The following KHDRBS2 variants were observed in gnomAD, a reference collection of about 807,000 sequenced individuals.
The protein encoded by KHDRBS2 is KH domain-containing, RNA-binding, signal transduction-associated protein 2.
KHDRBS2 carries 26 observed loss-of-function variants against 44.3 expected under a neutral mutation model. That is an observed-to-expected ratio of 0.59 (90% CI 0.43 to 0.81). KHDRBS2 has a LOEUF of 0.81. KHDRBS2 is among the 40% of genes least tolerant of loss of function. The probability of loss-of-function intolerance (pLI) is 0.00; values close to 1 mark genes in which losing one functional copy is unlikely to be tolerated. For missense variants in KHDRBS2, 476 were observed against 433.1 expected, an observed-to-expected ratio of 1.10 and a Z score of -0.88; for synonymous variants, 194 against 151.1, an observed-to-expected ratio of 1.28 and a Z score of -2.08.
chr6:62,092,334 CATA>C (rs1295069545), intron 2 of KHDRBS2, among the ~76,000 whole-genome samples: 4 of 152,134 alleles, frequency 2.6e-5, no homozygotes, highest in African/African-American at 7.2e-5. Context: ...CCTGAAAATA[CATA>C]ATATCTTTAT....
chr6:62,116,913 TGA>T (rs1806376122), intron 2 of KHDRBS2, among the ~76,000 whole-genome samples: 1 of 152,140 alleles, frequency 6.6e-6, no homozygotes, highest in Non-Finnish European at 1.5e-5. Context: ...TGACCTCCAG[TGA>T]TGGGATTTCA....
chr6:61,968,486 T>C lies in KHDRBS2; in HGVS notation c.483+9580A>G, dbSNP rs576943276. Among the ~76,000 whole-genome samples the C allele has an allele frequency of 4.6e-5, 7 of 152,176 alleles. 1 individual carries two copies. The South Asian group carries it at 1.2e-3, about 27-fold the overall frequency. ...GAGGTCCCCAAATAGAACAGCCTTA[T>C]GAATATATTATTGAATTAATGAGTA... On this transcript the variant is annotated intron_variant, in intron 4 of 8. Transcript: ENST00000281156.
chr6:62,192,054 A>C (rs1824737594), intron 1 of KHDRBS2, among the ~76,000 whole-genome samples: 2 of 152,038 alleles, frequency 1.3e-5, no homozygotes, highest in Admixed American at 1.3e-4. Flanking sequence ...GCTGTCTGAA[A>C]GTTTTGGATT....
At chr6:61,733,200 T>G (rs1394540183) in intron 6 of KHDRBS2, among the ~76,000 whole-genome samples, 2 of 152,044 alleles carry the variant, frequency 1.3e-5, no homozygotes, top group African/African-American at 4.8e-5. Flanking sequence ...ATCCTTAAAC[T>G]GTAGTCAACT....
intron 2 of KHDRBS2, among the ~76,000 whole-genome samples, chr6:62,106,253 C>A (rs1584736789): frequency 6.6e-6 from 1 of 152,190 alleles, no homozygotes; most frequent in East Asian, 1.9e-4. Context: ...AATGTATATT[C>A]TGTTGATTTG....
At chr6:61,720,606 C>A (rs574675581) in intron 7 of KHDRBS2, among the ~76,000 whole-genome samples, 22 of 152,274 alleles carry the variant, frequency 1.4e-4, no homozygotes, top group African/African-American at 5.3e-4. Flanking sequence ...ATGTCCTTTG[C>A]CCACTTTTTG....
At chr6:61,778,868 T>A (rs578032937) in intron 6 of KHDRBS2, among the ~76,000 whole-genome samples, 3 of 152,346 alleles carry the variant, frequency 2.0e-5, no homozygotes, top group African/African-American at 7.2e-5. Context: ...CGCTTAGCAA[T>A]TTGATTCTTC....
the KHDRBS2 span, among the ~76,000 whole-genome samples, chr6:61,553,791 C>T: frequency 2.3e-4 from 35 of 152,238 alleles, no homozygotes; most frequent in African/African-American, 8.2e-4. Context: ...TGTTTAATTT[C>T]TGTGTAATTA....
intron 2 of KHDRBS2, among the ~76,000 whole-genome samples, chr6:62,065,244 A>T (rs902903526): frequency 4.6e-5 from 7 of 152,170 alleles, no homozygotes; most frequent in African/African-American, 1.7e-4. Flanking sequence ...AGGGATCTAG[A>T]ACTACAAATA....
intron 2 of KHDRBS2, among the ~76,000 whole-genome samples, chr6:62,164,936 C>T (rs561901693): frequency 2.0e-5 from 3 of 151,802 alleles, no homozygotes; most frequent in South Asian, 4.1e-4. Context: ...TTTGAAATTT[C>T]CCTTACACTA....
chr6:61,954,466 C>A (rs1442605800), intron 4 of KHDRBS2, among the ~76,000 whole-genome samples: 1 of 140,146 alleles, frequency 7.1e-6, no homozygotes, highest in Non-Finnish European at 1.5e-5. Context: ...TGTATGTATA[C>A]GTATGTGTAT....
intron 3 of KHDRBS2, among the ~76,000 whole-genome samples, chr6:61,978,594 G>C (rs1373643624): frequency 6.6e-6 from 1 of 152,074 alleles, no homozygotes; most frequent in Non-Finnish European, 1.5e-5. Context: ...GTAAGTGAAA[G>C]ATTATCACTG....
intron 2 of KHDRBS2, among the ~76,000 whole-genome samples, chr6:62,079,646 G>A (rs962981206): frequency 2.0e-5 from 3 of 151,908 alleles, no homozygotes; most frequent in Non-Finnish European, 4.4e-5. Flanking sequence ...TATTTGTTTC[G>A]AATTACTTAA....
At chr6:62,273,971 T>C (rs1840503327) in intron 1 of KHDRBS2, among the ~76,000 whole-genome samples, 1 of 152,134 alleles carries the variant, frequency 6.6e-6, no homozygotes, top group African/African-American at 2.4e-5. Flanking sequence ...ATGGAGTCTC[T>C]GTCACCCAGG....
intron 5 of KHDRBS2, among the ~76,000 whole-genome samples, chr6:61,900,561 A>G (rs1164430842): frequency 6.6e-6 from 1 of 152,196 alleles, no homozygotes; most frequent in Non-Finnish European, 1.5e-5. Context: ...TAATACAAAA[A>G]GATAGCAATT....
At chr6:62,056,453 G>T (rs954833806) in intron 2 of KHDRBS2, among the ~76,000 whole-genome samples, 1 of 151,894 alleles carries the variant, frequency 6.6e-6, no homozygotes, top group African/African-American at 2.4e-5. Context: ...TAATCTCTGG[G>T]AATGGGGAAT....
At chr6:61,829,079 T>C (rs540091106) in intron 6 of KHDRBS2, among the ~76,000 whole-genome samples, 1 of 152,352 alleles carries the variant, frequency 6.6e-6, no homozygotes, top group African/African-American at 2.4e-5. Flanking sequence ...CTAATATCTA[T>C]TAATATAACA....
At chr6:62,012,113 A>C (rs569227862) in intron 3 of KHDRBS2, among the ~76,000 whole-genome samples, 1 of 152,320 alleles carries the variant, frequency 6.6e-6, no homozygotes, top group East Asian at 1.9e-4. Flanking sequence ...GTCCATGTGG[A>C]AGTCAGCAAG....
intron 1 of KHDRBS2, among the ~76,000 whole-genome samples, chr6:62,275,409 T>C (rs1472551640): frequency 1.3e-5 from 2 of 152,220 alleles, no homozygotes; most frequent in African/African-American, 2.4e-5. Context: ...TAAAACTGTC[T>C]GGAGACATGG....
Sources: gnomAD v4.1 joint callset for allele counts (sites outside exome capture counted in the v4.1 genomes callset) on GRCh38, gnomAD v4.1.1 for gene constraint, MANE v1.5 for transcripts, NCBI Gene and HGNC (gene_info 2026-07-23, HGNC 2026-07-21) for gene names.